HACD3: variants seen among roughly 807,000 people sequenced by gnomAD.
HACD3 encodes the protein very-long-chain (3R)-3-hydroxyacyl-CoA dehydratase 3.
HACD3 carries 30 observed loss-of-function variants against 55.2 expected under a neutral mutation model. That is an observed-to-expected ratio of 0.54 (90% CI 0.41 to 0.74). The LOEUF (loss-of-function observed/expected upper bound fraction) is 0.74, where lower values mean the gene tolerates loss of function less well. Ranked by LOEUF, HACD3 falls within the 30% of genes least tolerant of loss-of-function variation. HACD3 has a pLI of 0.00. For synonymous variants in HACD3, 141 were observed against 151.7 expected, an observed-to-expected ratio of 0.93 and a Z score of 0.52; for missense variants, 363 against 440.1, an observed-to-expected ratio of 0.82 and a Z score of 1.57.
rs1220017529 is a variant in HACD3, at chr15:65,530,558, C to T, written c.-74C>T. 2.1e-5 allele frequency: 29 copies of T among 1,371,348 alleles called. No homozygotes were observed. Among genetic ancestry groups the T allele is most frequent in the Non-Finnish European group, 2.3e-5 (23 of 1,000,840 alleles). The allele number at this position is 1,371,348 out of a possible 1,614,324, so 84.9% of individuals were successfully genotyped here. On this transcript the variant is annotated 5_prime_UTR_variant, in exon 1 of 11. Transcript: ENST00000261875. ...TAGGGTTTGAGGCCTGCTTTCTGCT[C>T]GCGCCAGCAGAGCACTACCTGAGGC...
intron 1 of HACD3, among the ~76,000 whole-genome samples, chr15:65,533,925 G>C (rs573472870): frequency 6.6e-6 from 1 of 151,666 alleles, no homozygotes; most frequent in African/African-American, 2.4e-5. Context: ...GGTGGCGGGC[G>C]CCTATAGTCC....
At chr15:65,557,791 A>G (rs1052133198) in intron 4 of HACD3, among the ~76,000 whole-genome samples, 7 of 152,132 alleles carry the variant, frequency 4.6e-5, no homozygotes, top group South Asian at 4.1e-4. Flanking sequence ...TATTTATTTT[A>G]TACTTTGAGT....
intron 6 of HACD3, among the ~76,000 whole-genome samples, chr15:65,563,728 T>C (rs2072265105): frequency 1.3e-5 from 2 of 152,090 alleles, no homozygotes; most frequent in Non-Finnish European, 2.9e-5. Flanking sequence ...CCCAGTACTT[T>C]GGGAGGTCTA....
chr15:65,556,636 G>T (rs1487955005), intron 3 of HACD3, 103 bp from the exon 4 acceptor site: 3 of 1,214,578 alleles, frequency 2.5e-6, no homozygotes, highest in South Asian at 1.7e-5. Context: ...AGAGAAAGAA[G>T]GAGAATAAAT....
At chr15:65,567,694 A>G (rs146406593) in intron 7 of HACD3, among the ~76,000 whole-genome samples, 26 of 152,344 alleles carry the variant, frequency 1.7e-4, no homozygotes, top group Non-Finnish European at 3.8e-4. Context: ...CATACATACA[A>G]TGGGATATTA....
intron 10 of HACD3, among the ~76,000 whole-genome samples, chr15:65,575,861 G>A (rs2072395883): frequency 6.6e-6 from 1 of 152,216 alleles, no homozygotes; most frequent in South Asian, 2.1e-4. Context: ...GGGAGGCCAA[G>A]CTGGGCAGAT....
At chr15:65,561,501 A>G (rs151189463) in intron 5 of HACD3, among the ~76,000 whole-genome samples, 2 of 152,228 alleles carry the variant, frequency 1.3e-5, no homozygotes, top group Non-Finnish European at 2.9e-5. Context: ...GCCGGAGCTG[A>G]GGAAATCTTT....
Position 65,576,571 on chromosome 15 carries a change from T to C in HACD3, c.*192T>C. The C allele has an allele frequency of 3.1e-6, 2 of 637,346 alleles. No homozygotes were observed. The highest frequency in any genetic ancestry group is 5.3e-6 in the Non-Finnish European group (2 of 378,620). The allele number at this position is 637,346 out of a possible 1,614,324, so 39.5% of individuals were successfully genotyped here. A position where few individuals can be genotyped will look rare whatever the true frequency, so the allele number is the denominator to read the frequency against. On this transcript the variant is annotated 3_prime_UTR_variant, in exon 11 of 11. Coordinates refer to ENST00000261875, the MANE Select transcript of HACD3 (RefSeq NM_016395.4). The stretch of plus-strand genomic sequence containing the variant: ...GTAGTACTTGCATGACATGGATTCC[T>C]GATATCTGATGAGAGGTTCATTCTT...
At chr15:65,563,968 CA>C (rs964101761) in intron 6 of HACD3, among the ~76,000 whole-genome samples, 137 of 136,412 alleles carry the variant, frequency 1.0e-3, no homozygotes, top group Non-Finnish European at 8.2e-4. Context: ...GACTCCATCT[CA>C]AAAAAAAAAA....
intron 7 of HACD3, 90 bp downstream of exon 7, chr15:65,564,432 A>T (rs1567338967): frequency 5.5e-6 from 8 of 1,455,294 alleles, no homozygotes; most frequent in Middle Eastern, 2.1e-4. Flanking sequence ...CATGCTGCTC[A>T]TAAAGACATA....
chr15:65,530,832 A>T, intron 1 of HACD3, 114 bp downstream of exon 1: 1 of 1,047,866 alleles, frequency 9.5e-7, no homozygotes, highest in Non-Finnish European at 1.3e-6. Flanking sequence ...TGCGCCAACA[A>T]GGTCGGCGAC....
At chr15:65,542,512 C>G (rs183330984) in intron 1 of HACD3, among the ~76,000 whole-genome samples, 158 of 152,226 alleles carry the variant, frequency 1.0e-3, no homozygotes, top group Admixed American at 5.4e-3. Context: ...GATCTACCCA[C>G]CTTGGTCTCC....
rs1167812938 is a variant in HACD3 at position 65,577,677 on chromosome 15, G to T, written c.*1298G>T. On this transcript the variant is annotated 3_prime_UTR_variant, in exon 11 of 11. Transcript: ENST00000261875. Reference sequence around the variant, plus strand: ...TCCATTTACTTGTGTACTTGTTCTAGTGAGTGGTGGGACTGTACATTTTTG... The same window carrying T: ...TCCATTTACTTGTGTACTTGTTCTATTGAGTGGTGGGACTGTACATTTTTG... 7.0e-6 allele frequency: 1 copy of T among 142,074 alleles called. No homozygotes were observed. Among genetic ancestry groups the T allele is most frequent in the Non-Finnish European group, 1.5e-5 (1 of 67,964 alleles). 8.8% of individuals were successfully genotyped at this position (142,074 alleles called of 1,614,324 possible). A position where few individuals can be genotyped will look rare whatever the true frequency, so the allele number is the denominator to read the frequency against.
rs997132156 is a variant in HACD3 at position 65,578,307 on chromosome 15, A to G, written c.*1928A>G. 1 of 152,234 alleles carries G rather than the reference A, an allele frequency of 6.6e-6. No homozygotes were observed. Among genetic ancestry groups the G allele is most frequent in the Non-Finnish European group, 1.5e-5 (1 of 68,044 alleles). The allele number at this position is 152,234 out of a possible 1,614,324, so 9.4% of individuals were successfully genotyped here. ...AAACCCCTTTATTGCTGTCTGAGAA[A>G]GTGAAAGATTGTGTATTTCTATTAA... On this transcript the variant is annotated 3_prime_UTR_variant, in exon 11 of 11. Coordinates refer to ENST00000261875, the MANE Select transcript of HACD3 (RefSeq NM_016395.4).
chr15:65,533,425 A>G (rs193183425), intron 1 of HACD3, among the ~76,000 whole-genome samples: 1 of 152,350 alleles, frequency 6.6e-6, no homozygotes, highest in East Asian at 1.9e-4. Context: ...TGTAATTGCT[A>G]CAGGAGTAGC....
chr15:65,567,934 T>C (rs1286957332), intron 7 of HACD3, among the ~76,000 whole-genome samples: 1 of 151,746 alleles, frequency 6.6e-6, no homozygotes, highest in East Asian at 1.9e-4. Context: ...TTCTTTCTTT[T>C]TTTTTTTTTT....
rs375827057 is a variant in HACD3 at position 65,570,161 on chromosome 15, T to C, written c.731T>C (p.Val244Ala). The C allele has an allele frequency of 4.3e-6, 7 of 1,612,912 alleles. No individual in the cohort carries two copies. The African/African-American group carries it at 9.3e-5, about 22-fold the overall frequency. ...GAAGAAATGCAGAACAAAGCTGTGG[T>C]TTTCTTTGTGTTTTATTTGTGGAGT... is the stretch of plus-strand genomic sequence containing the variant. ...TMEEMQNKAV[V>A]FFVFYLWSAI... Residue 244 changes from valine to alanine, a missense_variant, in exon 8 of 11, where the codon GTT becomes GCT. Val to Ala is a moderately conservative substitution (Grantham distance 64). Transcript: ENST00000261875.
At chr15:65,535,698 CTTTTTT>C in intron 1 of HACD3, 1 of 416,654 alleles carries the variant, frequency 2.4e-6, no homozygotes, top group Non-Finnish European at 4.3e-6. Flanking sequence ...TTGATGTTAA[CTTTTTT>C]TTTTTTTTTG....
At chr15:65,563,212 C>T (rs2141220601) in intron 6 of HACD3, among the ~76,000 whole-genome samples, 1 of 152,214 alleles carries the variant, frequency 6.6e-6, no homozygotes, top group East Asian at 1.9e-4. Flanking sequence ...TGTGATACTT[C>T]CAGTGCCAAA....
Sources: gnomAD v4.1 joint callset for allele counts (sites outside exome capture counted in the v4.1 genomes callset) on GRCh38, gnomAD v4.1.1 for gene constraint, MANE v1.5 for transcripts, NCBI Gene and HGNC (gene_info 2026-07-23, HGNC 2026-07-21) for gene names.